Variants in PCDHA2 observed in about 807,000 individuals in gnomAD.
PCDHA2 encodes protocadherin alpha-2.
PCDHA2 carries 58 observed loss-of-function variants against 66.0 expected under a neutral mutation model. That is an observed-to-expected ratio of 0.88 (90% CI 0.71 to 1.09). The LOEUF (loss-of-function observed/expected upper bound fraction) is 1.09, where lower values mean the gene tolerates loss of function less well. PCDHA2 is among the 50% of genes least tolerant of loss of function. The pLI is 0.00. For missense variants in PCDHA2, 1,267 were observed against 1,242.3 expected, an observed-to-expected ratio of 1.02 and a Z score of -0.30; for synonymous variants, 634 against 554.0, an observed-to-expected ratio of 1.14 and a Z score of -2.03.
chr5:140,871,044 A>G, intron 1 of PCDHA2: 1 of 1,613,304 alleles, frequency 6.2e-7, no homozygotes, highest in Non-Finnish European at 8.5e-7. Flanking sequence ...ACCGACTTCT[A>G]GTACTGGTGA....
At chr5:140,966,654 T>C in intron 1 of PCDHA2, 1 of 1,185,100 alleles carries the variant, frequency 8.4e-7, no homozygotes, top group Non-Finnish European at 1.1e-6. Flanking sequence ...GCGTGAGCGG[T>C]GGGGGAGCAG....
In PCDHA2 at chr5:140,835,338, C is replaced by T. The variant is rs2150234126; in HGVS notation, c.2388+37986C>T. The T allele has an allele frequency of 1.4e-5, 22 of 1,613,678 alleles. No individual in the cohort carries two copies. The South Asian group carries it at 2.2e-4, about 16-fold the overall frequency. ...TGAAGAAAGTAGAGCACACAAGATCCCAGTCGAGGCTGTCGATAAAGGCTT... is the reference window on the plus strand; with the variant it reads ...TGAAGAAAGTAGAGCACACAAGATCTCAGTCGAGGCTGTCGATAAAGGCTT... On this transcript the variant is annotated intron_variant, in intron 1 of 3. Transcript: ENST00000526136.
chr5:141,010,432 C>CA lies in PCDHA2; in HGVS notation c.*498dup. ...AATTGGTACAAGGAAGGCAAGAAAA[C>CA]AAAGACAAATAAACAGCGGAAGTTA... On this transcript the variant is annotated 3_prime_UTR_variant, in exon 4 of 4. Transcript: ENST00000526136. 2.8e-6 allele frequency: 3 copies of CA among 1,056,970 alleles called. No homozygotes were observed. The highest frequency in any genetic ancestry group is 4.0e-6 in the Non-Finnish European group (3 of 756,282). The allele number at this position is 1,056,970 out of a possible 1,614,324, so 65.5% of individuals were successfully genotyped here.
chr5:140,889,720 T>C (rs1259294888), intron 1 of PCDHA2, among the ~76,000 whole-genome samples: 1 of 152,240 alleles, frequency 6.6e-6, no homozygotes, highest in African/African-American at 2.4e-5. Context: ...TCTTTGCTAC[T>C]GTCTCACTGA....
In PCDHA2 at chr5:140,995,657, A is replaced by C. The variant is rs188298109; in HGVS notation, c.2536+13094A>C. Among the ~76,000 whole-genome samples, 56 of 152,328 alleles carry C rather than the reference A, an allele frequency of 3.7e-4. No homozygotes were observed. The East Asian group carries it at 7.7e-3, about 21-fold the overall frequency. Reference sequence around the variant, plus strand: ...AGTGTTTAGAAAAGGAGAATCGAAAAGGGAAGTAAATGCAGCATTTTTTTT... The same window carrying C: ...AGTGTTTAGAAAAGGAGAATCGAAACGGGAAGTAAATGCAGCATTTTTTTT... On this transcript the variant is annotated intron_variant, in intron 3 of 3. Coordinates refer to ENST00000526136, the MANE Select transcript of PCDHA2 (RefSeq NM_018905.3).
intron 1 of PCDHA2, chr5:140,876,256 A>T: frequency 1.9e-6 from 3 of 1,614,042 alleles, no homozygotes; most frequent in Non-Finnish European, 2.5e-6. Context: ...CACAAGAGTG[A>T]TCCAACTAAA....
chr5:140,929,484 T>C, intron 1 of PCDHA2: 1 of 1,156,262 alleles, frequency 8.6e-7, no homozygotes, highest in Non-Finnish European at 1.2e-6. Context: ...AGTATAGAAG[T>C]ATTAGAAGAT....
chr5:140,869,288 G>A lies in PCDHA2; in HGVS notation c.2388+71936G>A, dbSNP rs950790626. 6.2e-6 allele frequency: 10 copies of A among 1,613,460 alleles called. No individual in the cohort carries two copies. The highest frequency in any genetic ancestry group is 1.7e-5 in the Admixed American group (1 of 59,996). On this transcript the variant is annotated intron_variant, in intron 1 of 3. Coordinates refer to ENST00000526136, the MANE Select transcript of PCDHA2 (RefSeq NM_018905.3). ...CTGGAGCTGGCGGAGCTGGTGCAGC[G>A]CCTGTTCCGGGTGGCGTCCAAAACA...
Position 140,851,603 on chromosome 5 carries a change from A to C in PCDHA2, c.2388+54251A>C, listed in dbSNP as rs1213150378. 1.6e-5 allele frequency: 15 copies of C among 916,732 alleles called. No individual in the cohort carries two copies. In the African/African-American group the frequency reaches 2.5e-4, roughly 15 times the overall value. The allele number at this position is 916,732 out of a possible 1,614,324, so 56.8% of individuals were successfully genotyped here. On this transcript the variant is annotated intron_variant, in intron 1 of 3. Coordinates refer to ENST00000526136, the MANE Select transcript of PCDHA2 (RefSeq NM_018905.3). ...ACATTTTTTGAAATTCAGTTTACAG[A>C]AATTGGAGAAAATGCTTTTTAAACA...
At chr5:140,926,752 C>G in intron 1 of PCDHA2, 2 of 1,254,462 alleles carry the variant, frequency 1.6e-6, no homozygotes, top group East Asian at 5.7e-5. Flanking sequence ...CGTCGGCGGT[C>G]GCTGAGTATC....
intron 1 of PCDHA2, among the ~76,000 whole-genome samples, chr5:140,935,340 C>T (rs781819548): frequency 3.3e-5 from 5 of 152,172 alleles, no homozygotes; most frequent in African/African-American, 7.2e-5. Context: ...TTCTCCCATA[C>T]GTCAAATCCC....
chr5:140,926,464 A>C (rs1445781673), intron 1 of PCDHA2: 1 of 159,892 alleles, frequency 6.3e-6, no homozygotes, highest in Non-Finnish European at 1.4e-5. Flanking sequence ...TGTCCTAGAA[A>C]ACACCGTTTA....
At chr5:140,857,787 T>C in intron 1 of PCDHA2, 1 of 1,597,564 alleles carries the variant, frequency 6.3e-7, no homozygotes, top group Non-Finnish European at 8.6e-7. Flanking sequence ...AGTGAGCTGG[T>C]GCTGCGGTCG....
At chr5:140,981,186 T>G (rs1307228709) in intron 2 of PCDHA2, among the ~76,000 whole-genome samples, 1 of 152,234 alleles carries the variant, frequency 6.6e-6, no homozygotes, top group Non-Finnish European at 1.5e-5. Flanking sequence ...AGTTCAAGTT[T>G]GCCTGCTCTG....
At position 140,801,225 on chromosome 5, in the gene PCDHA2, G is replaced by A. The variant is rs557580137; in HGVS notation, c.2388+3873G>A. On this transcript the variant is annotated intron_variant, in intron 1 of 3. Coordinates refer to ENST00000526136, the MANE Select transcript of PCDHA2 (RefSeq NM_018905.3). ...GTTGTTCTCCTGGCGAGAAGATCCT[G>A]GAGCCCAGTGCCTGCTGCTTTCTCT... The A allele has an allele frequency of 4.3e-6, 7 of 1,610,934 alleles. No individual in the cohort carries two copies. The East Asian group carries it at 8.9e-5, about 21-fold the overall frequency.
At chr5:140,831,694 A>G (rs1771669768) in intron 1 of PCDHA2, among the ~76,000 whole-genome samples, 1 of 152,076 alleles carries the variant, frequency 6.6e-6, no homozygotes. Context: ...AAAGCAGCAA[A>G]AAGTAGTGAT....
chr5:140,843,521 G>A (rs1168797267), intron 1 of PCDHA2: 1 of 1,595,866 alleles, frequency 6.3e-7, no homozygotes, highest in Non-Finnish European at 8.6e-7. Context: ...CGGGTGCCGG[G>A]CGGGCAAGCC....
intron 1 of PCDHA2, among the ~76,000 whole-genome samples, chr5:140,831,441 C>T (rs2150194454): frequency 8.6e-5 from 13 of 151,182 alleles, no homozygotes; most frequent in Non-Finnish European, 1.8e-4. Flanking sequence ...CTCACTGCAC[C>T]CTCGAATGCC....
chr5:140,885,319 T>C (rs2060561832), intron 1 of PCDHA2, among the ~76,000 whole-genome samples: 1 of 152,216 alleles, frequency 6.6e-6, no homozygotes, highest in Admixed American at 6.5e-5. Context: ...TGTTATTATT[T>C]CTTTTCCAAA....
Sources: gnomAD v4.1 joint callset for allele counts (sites outside exome capture counted in the v4.1 genomes callset) on GRCh38, gnomAD v4.1.1 for gene constraint, MANE v1.5 for transcripts, NCBI Gene and HGNC (gene_info 2026-07-23, HGNC 2026-07-21) for gene names.